The following STAB2 variants were observed in gnomAD, a reference collection of about 807,000 sequenced individuals.
STAB2 encodes the protein stabilin 2.
In STAB2, 288 loss-of-function variants were observed where a neutral mutation model predicts 338.1. That is an observed-to-expected ratio of 0.85 (90% CI 0.77 to 0.94). The LOEUF is 0.94. STAB2 is among the 40% of genes least tolerant of loss of function. The pLI, the probability that STAB2 is intolerant of heterozygous loss-of-function variation, is 0.00. For synonymous variants in STAB2, 1,202 were observed against 1,193.3 expected, an observed-to-expected ratio of 1.01 and a Z score of -0.15; for missense variants, 3,141 against 3,210.1, an observed-to-expected ratio of 0.98 and a Z score of 0.52.
At position 103,651,622 on chromosome 12, in the gene STAB2, T is replaced by C. The variant is rs1873750908; in HGVS notation, c.1258-934T>C. On this transcript the variant is annotated intron_variant, in intron 11 of 68. Transcript: ENST00000388887. The stretch of plus-strand genomic sequence containing the variant: ...CCACTGCACCTGGCCCAGATCTTGA[T>C]TTTTATTGTGTGTTCTTGTCATCTG... Among the ~76,000 whole-genome samples, 3 of 152,314 alleles carry C rather than the reference T, an allele frequency of 2.0e-5. No homozygotes were observed. The South Asian group carries it at 6.2e-4, about 32-fold the overall frequency.
chr12:103,687,681 G>A lies in STAB2; in HGVS notation c.2998-487G>A, dbSNP rs75993976. Reference sequence around the variant, plus strand: ...GAGCTTTTATTATGCCCATTTTACAGATAAGAAAATTGAGGTCCTTTAGGT... The same window carrying A: ...GAGCTTTTATTATGCCCATTTTACAAATAAGAAAATTGAGGTCCTTTAGGT... On this transcript the variant is annotated intron_variant, in intron 27 of 68. Transcript: ENST00000388887. Among the ~76,000 whole-genome samples the A allele has an allele frequency of 1.0e-3, 155 of 152,230 alleles. 1 individual carries two copies. Among genetic ancestry groups the A allele is most frequent in the Middle Eastern group, 3.4e-3 (1 of 294 alleles).
chr12:103,675,818 G>A (rs1011506362), intron 23 of STAB2, 110 bp from the exon 24 acceptor site: 4 of 774,606 alleles, frequency 5.2e-6, no homozygotes, highest in Non-Finnish European at 6.3e-6. Flanking sequence ...CTCCACAGGA[G>A]CAAAGGATGG....
chr12:103,602,397 T>C (rs1432680061), intron 3 of STAB2, among the ~76,000 whole-genome samples: 1 of 152,202 alleles, frequency 6.6e-6, no homozygotes, highest in East Asian at 1.9e-4. Context: ...TTGTTTCCAG[T>C]TTGGGGCAAT....
chr12:103,672,146 C>T (rs1461540020), intron 22 of STAB2, among the ~76,000 whole-genome samples: 2 of 152,232 alleles, frequency 1.3e-5, no homozygotes, highest in Non-Finnish European at 2.9e-5. Flanking sequence ...ACTAACTCCA[C>T]ACATTTCCTA....
At chr12:103,677,921 T>A (rs1311900607) in intron 25 of STAB2, among the ~76,000 whole-genome samples, 1 of 152,184 alleles carries the variant, frequency 6.6e-6, no homozygotes, top group Admixed American at 6.5e-5. Flanking sequence ...ACCTTATATT[T>A]CTATAGCTCT....
Position 103,742,327 on chromosome 12 carries a change from C to T in STAB2, c.5882-78C>T. The stretch of plus-strand genomic sequence containing the variant: ...CCTCTGGGCTAACAGAAGTCAGATG[C>T]CACAGCACATTTACAAAGGTGCTGA... On this transcript the variant is annotated intron_variant, in intron 55 of 68. Coordinates refer to ENST00000388887, the MANE Select transcript of STAB2 (RefSeq NM_017564.10). 3 of 1,552,910 alleles carry T rather than the reference C, an allele frequency of 1.9e-6. No individual in the cohort carries two copies. The South Asian group carries it at 3.7e-5, about 19-fold the overall frequency.
Position 103,703,383 on chromosome 12 carries a change from C to T in STAB2, c.3843+107C>T, listed in dbSNP as rs899531160. 5 of 1,353,092 alleles carry T rather than the reference C, an allele frequency of 3.7e-6. No individual in the cohort carries two copies. The African/African-American group carries it at 4.4e-5, about 12-fold the overall frequency. 83.8% of individuals were successfully genotyped at this position (1,353,092 alleles called of 1,614,324 possible). A position where few individuals can be genotyped will look rare whatever the true frequency, so the allele number is the denominator to read the frequency against. On this transcript the variant is annotated intron_variant, in intron 35 of 68. Transcript: ENST00000388887. Reference sequence around the variant, plus strand: ...TCTATTAAGGTGTATCAATTCAGTCCATAAACCACTGAATGAGTATCTTTG... The same window carrying T: ...TCTATTAAGGTGTATCAATTCAGTCTATAAACCACTGAATGAGTATCTTTG...
intron 15 of STAB2, among the ~76,000 whole-genome samples, chr12:103,659,251 A>G (rs1874420274): frequency 6.6e-6 from 1 of 152,232 alleles, no homozygotes; most frequent in Non-Finnish European, 1.5e-5. Context: ...GACAATAGGC[A>G]TAGACCAGGA....
chr12:103,722,116 A>G (rs1340913792), intron 44 of STAB2, among the ~76,000 whole-genome samples: 1 of 152,158 alleles, frequency 6.6e-6, no homozygotes, highest in East Asian at 1.9e-4. Context: ...TGGCACACAG[A>G]TGGTATTTAA....
In STAB2 at chr12:103,662,782, G is replaced by A. The variant is rs1288533045; in HGVS notation, c.1870-64G>A. ...AGTTGCCACCATTCAGTCTGCCTGA[G>A]GATCACTGGCAGTCCTGCAGTACAG... is the stretch of plus-strand genomic sequence containing the variant. On this transcript the variant is annotated intron_variant, in intron 17 of 68. Transcript: ENST00000388887. 4 of 1,569,390 alleles carry A rather than the reference G, an allele frequency of 2.5e-6. No individual in the cohort carries two copies. The African/African-American group carries it at 5.4e-5, about 21-fold the overall frequency.
chr12:103,733,290 C>T (rs541991650), intron 51 of STAB2, 108 bp downstream of exon 51: 15 of 1,326,822 alleles, frequency 1.1e-5, no homozygotes, highest in Middle Eastern at 1.9e-4. Flanking sequence ...CCTGTCACCA[C>T]TGTATGCAGG....
At chr12:103,739,922 G>C (rs115126408) in intron 54 of STAB2, among the ~76,000 whole-genome samples, 2,831 of 152,242 alleles carry the variant, frequency 0.019, 27 homozygotes, top group African/African-American at 0.033. Flanking sequence ...AGGCTACACA[G>C]CTAGTAAGGA....
intron 60 of STAB2, 91 bp downstream of exon 60, chr12:103,750,811 C>A: frequency 6.9e-7 from 1 of 1,454,678 alleles, no homozygotes; most frequent in South Asian, 1.4e-5. Flanking sequence ...ACAAAACAGG[C>A]CAAGCCTGGT....
intron 22 of STAB2, 47 bp from the exon 23 acceptor site, chr12:103,673,860 G>A: frequency 6.3e-7 from 1 of 1,576,680 alleles, no homozygotes; most frequent in Non-Finnish European, 8.6e-7. Flanking sequence ...TCAGTGCTTG[G>A]CTTGTCCCCA....
At chr12:103,619,755 C>G (rs1186020889) in intron 3 of STAB2, among the ~76,000 whole-genome samples, 1 of 147,066 alleles carries the variant, frequency 6.8e-6, no homozygotes, top group African/African-American at 2.6e-5. Context: ...CAACGCCCCC[C>G]GCCCCCGCCA....
intron 39 of STAB2, chr12:103,711,153 T>A (rs1879818707): frequency 6.1e-6 from 2 of 326,866 alleles, no homozygotes; most frequent in African/African-American, 4.3e-5. Flanking sequence ...AGAAGAGGGG[T>A]ACACATCAAC....
At chr12:103,704,744 G>A (rs186831426) in intron 36 of STAB2, 130 bp downstream of exon 36, 16 of 793,320 alleles carry the variant, frequency 2.0e-5, no homozygotes, top group South Asian at 1.2e-4. Flanking sequence ...ACTTTACCTC[G>A]TTATATTATA....
At chr12:103,611,420 T>A (rs1214617023) in intron 3 of STAB2, among the ~76,000 whole-genome samples, 8 of 152,250 alleles carry the variant, frequency 5.3e-5, no homozygotes, top group Admixed American at 5.2e-4. Flanking sequence ...TCTTGTTAAA[T>A]TGATCCCTTT....
At chr12:103,692,436 T>C (rs1213548269) in intron 30 of STAB2, among the ~76,000 whole-genome samples, 2 of 152,148 alleles carry the variant, frequency 1.3e-5, no homozygotes, top group African/African-American at 4.8e-5. Flanking sequence ...GTCTCCAGGG[T>C]CAAACCACAG....
Sources: allele counts gnomAD v4.1 joint callset (sites outside exome capture counted in the v4.1 genomes callset), GRCh38; gene constraint gnomAD v4.1.1; transcripts MANE v1.5; gene names NCBI Gene and HGNC (gene_info 2026-07-23, HGNC 2026-07-21).